The following RBFOX1 variants were observed in gnomAD, a reference collection of about 807,000 sequenced individuals.
RBFOX1 encodes the protein RNA binding fox-1 homolog 1.
Under a neutral mutation model 57.7 loss-of-function variants are expected in RBFOX1, and 8 were observed. The observed-to-expected ratio is 0.14, with a 90% CI of 0.08 to 0.25. The LOEUF (loss-of-function observed/expected upper bound fraction) is 0.25. Among genes scored for constraint, RBFOX1 ranks in the 10% least tolerant of loss-of-function variants. RBFOX1 has a pLI of 1.00. For synonymous variants in RBFOX1, 326 were observed against 222.4 expected (o/e 1.47, Z -4.15); for missense variants, 611 against 548.5 (o/e 1.11, Z -1.14).
At chr16:7,451,378 G>A (rs1160072784) in intron 4 of RBFOX1, among the ~76,000 whole-genome samples, 2 of 152,166 alleles carry the variant, frequency 1.3e-5, no homozygotes, top group Non-Finnish European at 2.9e-5. Context: ...AAATTTCGGA[G>A]CAGTGAAATC....
At chr16:5,951,200 C>T (rs1414138445) in intron 4 of RBFOX1, among the ~76,000 whole-genome samples, 1 of 152,126 alleles carries the variant, frequency 6.6e-6, no homozygotes, top group Admixed American at 6.5e-5. Flanking sequence ...GAAATCTCAG[C>T]ACTTTGGGAG....
intron 14 of RBFOX1, among the ~76,000 whole-genome samples, chr16:7,695,503 A>C (rs185682492): frequency 8.5e-5 from 13 of 152,072 alleles, no homozygotes; most frequent in Admixed American, 7.2e-4. Context: ...AAATACAAAA[A>C]TTAGCCGGGT....
intron 3 of RBFOX1, among the ~76,000 whole-genome samples, chr16:5,699,533 A>G (rs1020736757): frequency 7.2e-5 from 11 of 151,862 alleles, no homozygotes; most frequent in Admixed American, 5.9e-4. Flanking sequence ...AGAGTTTTGT[A>G]CCATATGACT....
chr16:5,516,433 A>C (rs1597371058), intron 2 of RBFOX1, among the ~76,000 whole-genome samples: 1 of 151,696 alleles, frequency 6.6e-6, no homozygotes, highest in Non-Finnish European at 1.5e-5. Flanking sequence ...CTTGTTGTTG[A>C]TCTTGCATAA....
At chr16:7,429,108 G>T (rs1011452097) in intron 4 of RBFOX1, among the ~76,000 whole-genome samples, 1 of 152,182 alleles carries the variant, frequency 6.6e-6, no homozygotes, top group African/African-American at 2.4e-5. Context: ...AGAGCTGGTG[G>T]GAAATCGAGC....
intron 1 of RBFOX1, among the ~76,000 whole-genome samples, chr16:6,296,612 C>G (rs12448420): frequency 0.24 from 36,573 of 151,786 alleles, 4,511 homozygotes; most frequent in South Asian, 0.25. Flanking sequence ...AGTAGAGACG[C>G]GGTTTCACCG....
chr16:6,492,784 G>A (rs1006827411), intron 2 of RBFOX1, among the ~76,000 whole-genome samples: 2 of 152,112 alleles, frequency 1.3e-5, no homozygotes, highest in Non-Finnish European at 2.9e-5. Context: ...GGATTTGCCT[G>A]GATGTAAAAC....
At chr16:6,677,344 C>G (rs149034829) in intron 3 of RBFOX1, among the ~76,000 whole-genome samples, 1 of 152,210 alleles carries the variant, frequency 6.6e-6, no homozygotes, top group East Asian at 1.9e-4. Flanking sequence ...TGATATATCT[C>G]CATAGATACA....
At chr16:5,447,118 G>C (rs2068266153) in intron 1 of RBFOX1, among the ~76,000 whole-genome samples, 1 of 152,120 alleles carries the variant, frequency 6.6e-6, no homozygotes. Flanking sequence ...CCCCTTGGCT[G>C]GTCTCTGCGT....
intron 3 of RBFOX1, among the ~76,000 whole-genome samples, chr16:6,778,174 A>T (rs1163564957): frequency 6.6e-6 from 1 of 152,170 alleles, no homozygotes; most frequent in African/African-American, 2.4e-5. Context: ...TTCAAAGATC[A>T]CACAATCGAT....
intron 4 of RBFOX1, among the ~76,000 whole-genome samples, chr16:7,121,446 A>G (rs1036612976): frequency 6.6e-6 from 1 of 152,158 alleles, no homozygotes; most frequent in African/African-American, 2.4e-5. Context: ...TTGGAAGTCA[A>G]AACTTAAAAA....
At chr16:7,252,211 A>T (rs956612209) in intron 4 of RBFOX1, among the ~76,000 whole-genome samples, 1 of 152,196 alleles carries the variant, frequency 6.6e-6, no homozygotes, top group Non-Finnish European at 1.5e-5. Context: ...CCTTTGAGAG[A>T]TTTTTGTTTG....
At chr16:6,560,333 AGG>A (rs1182774882) in intron 2 of RBFOX1, among the ~76,000 whole-genome samples, 1 of 79,336 alleles carries the variant, frequency 1.3e-5, no homozygotes, top group Non-Finnish European at 3.2e-5. Context: ...TGAGGAGGGC[AGG>A]AGAGTGGGGG....
intron 3 of RBFOX1, among the ~76,000 whole-genome samples, chr16:6,920,582 T>C (rs1299398847): frequency 6.6e-6 from 1 of 152,186 alleles, no homozygotes; most frequent in Non-Finnish European, 1.5e-5. Context: ...CATTACTGTT[T>C]GGGGAATTAG....
At chr16:7,461,982 G>A (rs1567295231) in intron 4 of RBFOX1, among the ~76,000 whole-genome samples, 1 of 152,154 alleles carries the variant, frequency 6.6e-6, no homozygotes, top group Non-Finnish European at 1.5e-5. Flanking sequence ...ATGTCAAGGA[G>A]GATTAAAGAA....
intron 4 of RBFOX1, among the ~76,000 whole-genome samples, chr16:7,235,895 C>G (rs1189619182): frequency 6.6e-6 from 1 of 151,950 alleles, no homozygotes; most frequent in African/African-American, 2.4e-5. Flanking sequence ...ATATTGATCA[C>G]TGTCTCCTTG....
chr16:5,597,818 C>G (rs1350633361), intron 2 of RBFOX1, among the ~76,000 whole-genome samples: 3 of 152,142 alleles, frequency 2.0e-5, no homozygotes, highest in Non-Finnish European at 4.4e-5. Flanking sequence ...GACGGTGATT[C>G]ACATCCCAGT....
At chr16:6,729,001 A>G (rs1028407464) in intron 3 of RBFOX1, among the ~76,000 whole-genome samples, 1 of 152,188 alleles carries the variant, frequency 6.6e-6, no homozygotes, top group Non-Finnish European at 1.5e-5. Flanking sequence ...ATTTTTGTTA[A>G]TACAGTCAAC....
At chr16:7,478,903 A>T (rs891631367) in intron 4 of RBFOX1, among the ~76,000 whole-genome samples, 2 of 152,068 alleles carry the variant, frequency 1.3e-5, no homozygotes, top group African/African-American at 4.8e-5. Context: ...TAGTTTGTTA[A>T]TTCGATGAGT....
Sources: gnomAD v4.1 joint callset for allele counts (sites outside exome capture counted in the v4.1 genomes callset) on GRCh38, gnomAD v4.1.1 for gene constraint, MANE v1.5 for transcripts, NCBI Gene and HGNC (gene_info 2026-07-23, HGNC 2026-07-21) for gene names.